The following NPSR1 variants were observed in gnomAD, a reference collection of about 807,000 sequenced individuals.
NPSR1 encodes the protein neuropeptide S receptor 1.
A neutral mutation model predicts 46.9 loss-of-function variants in NPSR1; 48 were observed. That is an observed-to-expected ratio of 1.02 (90% CI 0.81 to 1.30). The LOEUF is 1.30. Ranked by LOEUF, NPSR1 falls within the 50% of genes most tolerant of loss-of-function variation. The probability of loss-of-function intolerance (pLI) is 0.00; values close to 1 mark genes in which losing one functional copy is unlikely to be tolerated. For missense variants in NPSR1, 450 were observed against 449.5 expected, an observed-to-expected ratio of 1.00 and a Z score of -0.01; for synonymous variants, 176 against 168.1, an observed-to-expected ratio of 1.05 and a Z score of -0.36.
At chr7:34,851,978 A>G (rs1466199877), downstream of NPSR1, among the ~76,000 whole-genome samples, 1 of 152,152 alleles carries the variant, frequency 6.6e-6, no homozygotes, top group Non-Finnish European at 1.5e-5. Context: ...CTGAGCTTGG[A>G]GAAACATGAT....
At chr7:34,727,857 G>A (rs773691345) in intron 2 of NPSR1, among the ~76,000 whole-genome samples, 1 of 152,114 alleles carries the variant, frequency 6.6e-6, no homozygotes, top group Non-Finnish European at 1.5e-5. Flanking sequence ...CTATGTGAGT[G>A]TAACTGCCAT....
At chr7:34,768,726 A>G (rs191041180) in intron 2 of NPSR1, among the ~76,000 whole-genome samples, 4 of 152,344 alleles carry the variant, frequency 2.6e-5, no homozygotes, top group Admixed American at 2.6e-4. Flanking sequence ...TGGAATTACC[A>G]TTTAGATTAG....
chr7:34,811,536 A>G (rs1015948882), intron 3 of NPSR1, among the ~76,000 whole-genome samples: 1 of 152,004 alleles, frequency 6.6e-6, no homozygotes, highest in Non-Finnish European at 1.5e-5. Flanking sequence ...CTCATTTAAG[A>G]CCACTGGTTT....
At chr7:34,728,395 G>T (rs1784262859) in intron 2 of NPSR1, among the ~76,000 whole-genome samples, 3 of 152,192 alleles carry the variant, frequency 2.0e-5, no homozygotes, top group Admixed American at 6.5e-5. Flanking sequence ...CATGATGTGG[G>T]GTGCACGCTG....
At chr7:34,769,785 G>A (rs554725037) in intron 2 of NPSR1, among the ~76,000 whole-genome samples, 2 of 152,268 alleles carry the variant, frequency 1.3e-5, no homozygotes, top group Non-Finnish European at 2.9e-5. Flanking sequence ...AATAAAGCCT[G>A]TTGTGACTCT....
At chr7:34,738,053 C>A (rs776113180) in intron 2 of NPSR1, among the ~76,000 whole-genome samples, 1 of 151,962 alleles carries the variant, frequency 6.6e-6, no homozygotes, top group Admixed American at 6.6e-5. Flanking sequence ...TGTTTTTGAA[C>A]GAAAGGATAA....
intron 1 of NPSR1, among the ~76,000 whole-genome samples, chr7:34,672,476 G>C (rs1247946992): frequency 6.6e-6 from 1 of 152,198 alleles, no homozygotes; most frequent in Non-Finnish European, 1.5e-5. Flanking sequence ...CGCAAGTGCA[G>C]TCCCACATGC....
chr7:34,721,551 C>T (rs1410715806), intron 2 of NPSR1, among the ~76,000 whole-genome samples: 1 of 152,180 alleles, frequency 6.6e-6, no homozygotes, highest in Non-Finnish European at 1.5e-5. Flanking sequence ...TTATTTCATT[C>T]CAACTGCATG....
intron 1 of NPSR1, among the ~76,000 whole-genome samples, chr7:34,668,176 G>T (rs889403054): frequency 6.6e-6 from 1 of 152,040 alleles, no homozygotes; most frequent in Non-Finnish European, 1.5e-5. Flanking sequence ...TTCACATAAA[G>T]ATATTGAACG....
chr7:34,836,691 G>A (rs1439502264), intron 6 of NPSR1, among the ~76,000 whole-genome samples: 1 of 140,726 alleles, frequency 7.1e-6, no homozygotes, highest in Admixed American at 7.2e-5. Flanking sequence ...AGGGAGGGAG[G>A]GAGAAAGGAA....
intron 8 of NPSR1, among the ~76,000 whole-genome samples, chr7:34,873,157 A>T (rs1791496746): frequency 6.6e-6 from 1 of 151,874 alleles, no homozygotes; most frequent in South Asian, 2.1e-4. Context: ...CTTCATTTCC[A>T]TCTGAGACCT....
intron 2 of NPSR1, among the ~76,000 whole-genome samples, chr7:34,769,925 T>C (rs1191025358): frequency 6.6e-6 from 1 of 152,230 alleles, no homozygotes; most frequent in Non-Finnish European, 1.5e-5. Flanking sequence ...TTGTTAATTA[T>C]CATTTAGGAG....
At position 34,723,505 on chromosome 7, in the gene NPSR1, T is replaced by A. The variant is rs188480382; in HGVS notation, c.280+38821T>A. The A allele has an allele frequency of 2.7e-5, 4 of 147,276 alleles. No homozygotes were observed. In the Admixed American group the frequency reaches 2.7e-4, roughly 10 times the overall value. The allele number at this position is 147,276 out of a possible 1,614,324, so 9.1% of individuals were successfully genotyped here. On this transcript the variant is annotated intron_variant, in intron 2 of 8. Coordinates refer to ENST00000360581, the MANE Select transcript of NPSR1 (RefSeq NM_207172.2). ...TGTGCAGGAGGAAGGGGGCACAAGA[T>A]TTCTAAATAGCATAAATAAATAAAT... is the stretch of plus-strand genomic sequence containing the variant.
chr7:34,823,557 G>T (rs934847918), intron 4 of NPSR1, among the ~76,000 whole-genome samples: 2 of 152,058 alleles, frequency 1.3e-5, no homozygotes, highest in African/African-American at 4.8e-5. Context: ...ACTATTAGGA[G>T]AGTATAAGGA....
intron 8 of NPSR1, among the ~76,000 whole-genome samples, chr7:34,875,294 G>A (rs10243897): frequency 6.6e-6 from 1 of 152,124 alleles, no homozygotes; most frequent in African/African-American, 2.4e-5. Flanking sequence ...GTCTTTCTTG[G>A]AAGCTTAGTA....
chr7:34,873,046 T>A (rs1383430703), intron 8 of NPSR1, among the ~76,000 whole-genome samples: 1 of 151,844 alleles, frequency 6.6e-6, no homozygotes, highest in Non-Finnish European at 1.5e-5. Context: ...AGGCCATCAC[T>A]CTTAAGTTCA....
chr7:34,742,596 C>T (rs1051733818), intron 2 of NPSR1, among the ~76,000 whole-genome samples: 1 of 152,148 alleles, frequency 6.6e-6, no homozygotes, highest in African/African-American at 2.4e-5. Context: ...GATTCTATGT[C>T]TTTGCTCTTG....
intron 2 of NPSR1, among the ~76,000 whole-genome samples, chr7:34,703,130 C>T (rs1437092196): frequency 2.0e-5 from 3 of 152,158 alleles, no homozygotes; most frequent in Non-Finnish European, 2.9e-5. Context: ...GAGGCCAAGG[C>T]GGGCGGATCA....
At chr7:34,794,514 C>T (rs1381521345) in intron 3 of NPSR1, among the ~76,000 whole-genome samples, 4 of 152,026 alleles carry the variant, frequency 2.6e-5, no homozygotes, top group Non-Finnish European at 5.9e-5. Context: ...AATCTAAATA[C>T]TGTTAATTGT....
Sources: allele counts gnomAD v4.1 joint callset (sites outside exome capture counted in the v4.1 genomes callset), GRCh38; gene constraint gnomAD v4.1.1; transcripts MANE v1.5; gene names NCBI Gene and HGNC (gene_info 2026-07-23, HGNC 2026-07-21).